Variants in ATE1 observed in about 807,000 individuals in gnomAD.
ATE1 encodes the protein arginyl-tRNA--protein transferase 1.
In ATE1, 36 loss-of-function variants were observed where a neutral mutation model predicts 70.5. The observed-to-expected ratio is 0.51, with a 90% CI of 0.39 to 0.67. The LOEUF is 0.67. Among genes scored for constraint, ATE1 ranks in the 30% least tolerant of loss-of-function variants. The pLI is 0.00. For missense variants in ATE1, 593 were observed against 629.5 expected, an observed-to-expected ratio of 0.94 and a Z score of 0.62; for synonymous variants, 232 against 219.3, an observed-to-expected ratio of 1.06 and a Z score of -0.51.
At chr10:121,757,361 C>T (rs1311348862) in intron 11 of ATE1, among the ~76,000 whole-genome samples, 1 of 152,196 alleles carries the variant, frequency 6.6e-6, no homozygotes, top group East Asian at 1.9e-4. Context: ...CTGAGCCCTA[C>T]AAACTGTTCC....
At chr10:121,841,025 A>G in intron 9 of ATE1, 57 bp downstream of exon 9, 1 of 1,303,166 alleles carries the variant, frequency 7.7e-7, no homozygotes, top group East Asian at 2.7e-5. Flanking sequence ...TAATCAAATG[A>G]GTAATTATTT....
intron 10 of ATE1, among the ~76,000 whole-genome samples, chr10:121,791,098 T>TATA (rs1554893365): frequency 1.6e-4 from 11 of 69,276 alleles, no homozygotes; most frequent in East Asian, 3.3e-4. Flanking sequence ...GTATATATAT[T>TATA]TTTTTTTTTT....
intron 10 of ATE1, among the ~76,000 whole-genome samples, chr10:121,829,434 A>G (rs1385011513): frequency 4.9e-5 from 7 of 142,784 alleles, no homozygotes; most frequent in South Asian, 4.9e-4. Context: ...AAAAGAAAAC[A>G]AAAAAAAAGG....
chr10:121,841,252 G>A lies in ATE1; in HGVS notation c.987C>T (p.Pro329=). ...LCSSPLEAET[P]PNGPDCGYGS... ...CATAGCCACAATCTGGCCCATTAGG[G>A]GGAGTCTCTGCCTAAGAAAAAGCAG... The change falls in exon 9 of 12, where the codon CCC becomes CCT. Residue 329 remains proline, a synonymous_variant. Transcript: ENST00000224652. 4 of 1,510,774 alleles carry A rather than the reference G, an allele frequency of 2.6e-6. No homozygotes were observed. Among genetic ancestry groups the A allele is most frequent in the Non-Finnish European group, 3.6e-6 (4 of 1,121,720 alleles). 93.6% of individuals were successfully genotyped at this position (1,510,774 alleles called of 1,614,324 possible).
chr10:121,797,462 C>G (rs1946702178), intron 10 of ATE1, among the ~76,000 whole-genome samples: 1 of 152,082 alleles, frequency 6.6e-6, no homozygotes, highest in African/African-American at 2.4e-5. Flanking sequence ...CCCAAAGAAA[C>G]CCAGTACCCA....
chr10:121,913,308 T>C (rs1478805821), intron 4 of ATE1, among the ~76,000 whole-genome samples: 1 of 152,208 alleles, frequency 6.6e-6, no homozygotes, highest in Non-Finnish European at 1.5e-5. Flanking sequence ...TCAAAACTGA[T>C]CACACAAATA....
At chr10:121,886,413 G>A (rs1041919294) in intron 7 of ATE1, among the ~76,000 whole-genome samples, 7 of 151,890 alleles carry the variant, frequency 4.6e-5, no homozygotes, top group Admixed American at 1.3e-4. Flanking sequence ...TCTCACACGT[G>A]TGCACGTTAG....
At chr10:121,927,113 G>A in intron 1 of ATE1, 5 of 985,372 alleles carry the variant, frequency 5.1e-6, no homozygotes, top group Non-Finnish European at 6.0e-6. Context: ...GGCAAGAGAG[G>A]AAATAAACAC....
chr10:121,802,455 CCCA>C (rs764672234), intron 10 of ATE1, among the ~76,000 whole-genome samples: 14 of 151,710 alleles, frequency 9.2e-5, no homozygotes, highest in Non-Finnish European at 1.5e-4. Context: ...ATTACAGGCG[CCCA>C]CCACCACGTC....
chr10:121,763,089 CT>C (rs1262948212), intron 11 of ATE1, among the ~76,000 whole-genome samples: 1 of 152,160 alleles, frequency 6.6e-6, no homozygotes, highest in Non-Finnish European at 1.5e-5. Flanking sequence ...AGCAAACCCA[CT>C]TTTAGGAATC....
At chr10:121,779,440 C>G (rs1372898909) in intron 11 of ATE1, among the ~76,000 whole-genome samples, 1 of 152,180 alleles carries the variant, frequency 6.6e-6, no homozygotes, top group African/African-American at 2.4e-5. Context: ...GAAAAGGCAT[C>G]AAGTGAGAAA....
At chr10:121,899,519 G>A (rs1177289547) in intron 7 of ATE1, among the ~76,000 whole-genome samples, 2 of 152,036 alleles carry the variant, frequency 1.3e-5, no homozygotes, top group Admixed American at 1.3e-4. Flanking sequence ...ATCATGTTAG[G>A]CAAAGTACGT....
At chr10:121,805,210 G>C (rs1947048995) in intron 10 of ATE1, among the ~76,000 whole-genome samples, 1 of 152,066 alleles carries the variant, frequency 6.6e-6, no homozygotes, top group Admixed American at 6.5e-5. Flanking sequence ...TAAAAATCTA[G>C]AATAAACCAA....
chr10:121,852,648 T>A (rs1345949767), intron 8 of ATE1, among the ~76,000 whole-genome samples: 1 of 151,924 alleles, frequency 6.6e-6, no homozygotes, highest in Non-Finnish European at 1.5e-5. Context: ...GAGGCAGAGG[T>A]TGCAGTGAGC....
intron 3 of ATE1, among the ~76,000 whole-genome samples, chr10:121,918,628 T>C (rs894434006): frequency 6.6e-6 from 1 of 152,200 alleles, no homozygotes; most frequent in African/African-American, 2.4e-5. Flanking sequence ...AATTGCTAAT[T>C]GAAGACAAAT....
chr10:121,746,251 G>C (rs780124340), intron 11 of ATE1, among the ~76,000 whole-genome samples: 1 of 152,096 alleles, frequency 6.6e-6, no homozygotes, highest in Non-Finnish European at 1.5e-5. Flanking sequence ...TAGGAATAAA[G>C]TGCTGTGAGA....
At chr10:121,888,353 G>A (rs975763823) in intron 7 of ATE1, among the ~76,000 whole-genome samples, 1 of 151,696 alleles carries the variant, frequency 6.6e-6, no homozygotes, top group Non-Finnish European at 1.5e-5. Context: ...GAAATCACGC[G>A]ACTGCACTCC....
intron 8 of ATE1, among the ~76,000 whole-genome samples, chr10:121,842,000 A>T (rs953716357): frequency 1.3e-5 from 2 of 152,224 alleles, no homozygotes; most frequent in African/African-American, 4.8e-5. Context: ...TGAGGAACAT[A>T]AAAGAAAAGG....
chr10:121,889,009 A>C lies in ATE1; in HGVS notation c.942+10857T>G, dbSNP rs1311200021. Among the ~76,000 whole-genome samples the C allele has an allele frequency of 5.9e-5, 9 of 152,270 alleles. No individual in the cohort carries two copies. In the East Asian group the frequency reaches 1.7e-3, roughly 29 times the overall value. ...GCTTCTGAGGAGTTAGTAGTAATCA[A>C]CTTATTTATTTATTTATTTTTTTGA... On this transcript the variant is annotated intron_variant, in intron 7 of 11. Coordinates refer to ENST00000224652, the MANE Select transcript of ATE1 (RefSeq NM_001001976.3).
Sources: gnomAD v4.1 joint callset for allele counts (sites outside exome capture counted in the v4.1 genomes callset) on GRCh38, gnomAD v4.1.1 for gene constraint, MANE v1.5 for transcripts, NCBI Gene and HGNC (gene_info 2026-07-23, HGNC 2026-07-21) for gene names.